Variants in ROBO1 observed in about 807,000 individuals in gnomAD.
The protein encoded by ROBO1 is roundabout guidance receptor 1, also known as roundabout homolog 1.
A neutral mutation model predicts 195.9 loss-of-function variants in ROBO1; 149 were observed. The ratio of observed to expected loss-of-function variants is 0.76; its 90% CI spans 0.67 to 0.87. The LOEUF (loss-of-function observed/expected upper bound fraction) is 0.87. Among genes scored for constraint, ROBO1 ranks in the 40% least tolerant of loss-of-function variants. ROBO1 has a pLI of 0.00. For synonymous variants in ROBO1, 816 were observed against 733.2 expected, an observed-to-expected ratio of 1.11 and a Z score of -1.82; for missense variants, 1,933 against 2,068.3, an observed-to-expected ratio of 0.93 and a Z score of 1.27.
At chr3:79,362,413 G>C (rs994611064) in intron 2 of ROBO1, among the ~76,000 whole-genome samples, 2 of 152,106 alleles carry the variant, frequency 1.3e-5, no homozygotes, top group Non-Finnish European at 1.5e-5. Flanking sequence ...AGCTACAGAA[G>C]AGGAGAGGTT....
chr3:79,719,129 A>T (rs1432714729), intron 1 of ROBO1, among the ~76,000 whole-genome samples: 1 of 152,100 alleles, frequency 6.6e-6, no homozygotes, highest in African/African-American at 2.4e-5. Flanking sequence ...TTCTTTGAGA[A>T]TTTAAGTACA....
chr3:78,662,494 T>C (rs1707485035), intron 14 of ROBO1, among the ~76,000 whole-genome samples: 1 of 152,108 alleles, frequency 6.6e-6, no homozygotes, highest in Non-Finnish European at 1.5e-5. Flanking sequence ...TGATCCTAAC[T>C]ATGCAAGACA....
chr3:79,300,741 C>T (rs572531002), intron 2 of ROBO1, among the ~76,000 whole-genome samples: 4 of 152,288 alleles, frequency 2.6e-5, no homozygotes, highest in East Asian at 3.9e-4. Context: ...ATACACCAAT[C>T]GGCACTCTGT....
chr3:78,601,151 C>G (rs1326264437), intron 29 of ROBO1, among the ~76,000 whole-genome samples: 1 of 152,146 alleles, frequency 6.6e-6, no homozygotes, highest in Non-Finnish European at 1.5e-5. Context: ...CTTTGGCATG[C>G]TTTTCCCCAC....
At chr3:78,681,450 C>T (rs1465808326) in intron 10 of ROBO1, among the ~76,000 whole-genome samples, 2 of 152,122 alleles carry the variant, frequency 1.3e-5, no homozygotes, top group South Asian at 2.1e-4. Context: ...TAATGTCTAA[C>T]GAAGAACATA....
intron 4 of ROBO1, among the ~76,000 whole-genome samples, chr3:78,784,618 C>A (rs1413693034): frequency 6.6e-6 from 1 of 151,946 alleles, no homozygotes; most frequent in Non-Finnish European, 1.5e-5. Flanking sequence ...AGGACACGTT[C>A]TTTAAGGAAT....
chr3:79,215,331 C>A (rs1396472002), intron 2 of ROBO1, among the ~76,000 whole-genome samples: 1 of 152,012 alleles, frequency 6.6e-6, no homozygotes, highest in Non-Finnish European at 1.5e-5. Flanking sequence ...AAATAGAGAT[C>A]TTCCATCTAT....
At chr3:78,790,043 C>T (rs1039110180) in intron 4 of ROBO1, among the ~76,000 whole-genome samples, 1 of 152,132 alleles carries the variant, frequency 6.6e-6, no homozygotes, top group South Asian at 2.1e-4. Flanking sequence ...GCAGCTTTGT[C>T]TTCTATTGTC....
At chr3:78,878,248 C>T (rs927012540) in intron 4 of ROBO1, among the ~76,000 whole-genome samples, 1 of 152,034 alleles carries the variant, frequency 6.6e-6, no homozygotes, top group Non-Finnish European at 1.5e-5. Context: ...TGTCTAAATG[C>T]CACAGACCTT....
chr3:78,931,180 T>G (rs1193869914), intron 4 of ROBO1, among the ~76,000 whole-genome samples: 1 of 152,002 alleles, frequency 6.6e-6, no homozygotes, highest in Non-Finnish European at 1.5e-5. Context: ...TTTGGTATTC[T>G]TCACATTTTT....
At chr3:79,010,438 A>T (rs181589652) in intron 3 of ROBO1, among the ~76,000 whole-genome samples, 2 of 152,222 alleles carry the variant, frequency 1.3e-5, no homozygotes, top group African/African-American at 4.8e-5. Context: ...AAGATAAGGC[A>T]TGTTAGCACT....
At chr3:79,038,080 A>G (rs2078413466) in intron 3 of ROBO1, among the ~76,000 whole-genome samples, 1 of 152,192 alleles carries the variant, frequency 6.6e-6, no homozygotes, top group African/African-American at 2.4e-5. Flanking sequence ...GCTCTTAACT[A>G]TTGTACGTCA....
At chr3:79,062,981 T>C (rs555672086) in intron 3 of ROBO1, among the ~76,000 whole-genome samples, 1 of 151,998 alleles carries the variant, frequency 6.6e-6, no homozygotes, top group East Asian at 2.0e-4. Flanking sequence ...TAAAGTATAA[T>C]TAAAAAGAAA....
intron 4 of ROBO1, among the ~76,000 whole-genome samples, chr3:78,896,576 G>A (rs1435036675): frequency 2.2e-5 from 3 of 137,098 alleles, no homozygotes; most frequent in Non-Finnish European, 3.0e-5. Context: ...AAGAACTAAC[G>A]ATAATCCCAC....
At chr3:79,307,527 T>A (rs1448205239) in intron 2 of ROBO1, among the ~76,000 whole-genome samples, 1 of 152,160 alleles carries the variant, frequency 6.6e-6, no homozygotes, top group Non-Finnish European at 1.5e-5. Context: ...TTAATACTTC[T>A]TTTTATTTGT....
chr3:79,414,181 GTCTCTCTCTCTCTCTCTTTC>G (rs1400908137), intron 2 of ROBO1, among the ~76,000 whole-genome samples: 10 of 148,610 alleles, frequency 6.7e-5, no homozygotes, highest in Non-Finnish European at 3.0e-5. Flanking sequence ...TATATTAACA[GTCTCTCTCTCTCTCTCTTTC>G]TCTCTCTCTC....
chr3:79,228,377 G>A (rs1213342739), intron 2 of ROBO1, among the ~76,000 whole-genome samples: 1 of 152,094 alleles, frequency 6.6e-6, no homozygotes, highest in Admixed American at 6.6e-5. Context: ...ATCAATACTT[G>A]CTGATAATAT....
chr3:79,072,145 A>T (rs2108439127), intron 3 of ROBO1, among the ~76,000 whole-genome samples: 1 of 151,854 alleles, frequency 6.6e-6, no homozygotes, highest in Admixed American at 6.6e-5. Flanking sequence ...TGACATACTC[A>T]GTCTTTAATT....
chr3:78,657,146 T>A lies in ROBO1; in HGVS notation c.2566A>T (p.Thr856Ser), dbSNP rs1349966246. ...CTCTTTACCCCAGACCCAGCCCCAG[T>A]GCTGGCTGCCACTTCCACACTGTAT... is the stretch of plus-strand genomic sequence containing the variant. ...IRYSVEVAAS[T>S]GAGSGVKSEP... is the part of the protein sequence containing the mutation. The change falls in exon 18 of 31, where the codon ACT becomes TCT. Residue 856 changes from threonine (T) to serine (S), a missense_variant. Transcript: ENST00000464233. The A allele has an allele frequency of 1.2e-6, 2 of 1,612,528 alleles. No individual in the cohort carries two copies. Among genetic ancestry groups the A allele is most frequent in the Admixed American group, 3.3e-5 (2 of 59,840 alleles).
Sources: allele counts gnomAD v4.1 joint callset (sites outside exome capture counted in the v4.1 genomes callset), GRCh38; gene constraint gnomAD v4.1.1; transcripts MANE v1.5; gene names NCBI Gene and HGNC (gene_info 2026-07-23, HGNC 2026-07-21).